The following KCNH7 variants were observed in gnomAD, a reference collection of about 807,000 sequenced individuals.
KCNH7 encodes voltage-gated inwardly rectifying potassium channel KCNH7.
A neutral mutation model predicts 120.8 loss-of-function variants in KCNH7; 49 were observed. That is an observed-to-expected ratio of 0.41 (90% CI 0.32 to 0.51). The LOEUF (loss-of-function observed/expected upper bound fraction) is 0.51. KCNH7 is among the 20% of genes least tolerant of loss of function. KCNH7 has a pLI of 0.38. For synonymous variants in KCNH7, 547 were observed against 516.1 expected (o/e 1.06, Z -0.81); for missense variants, 1,097 against 1,446.6 (o/e 0.76, Z 3.92).
At chr2:162,820,095 A>T (rs886721684) in intron 2 of KCNH7, among the ~76,000 whole-genome samples, 1 of 131,466 alleles carries the variant, frequency 7.6e-6, no homozygotes, top group African/African-American at 3.0e-5. Flanking sequence ...GCTGGAGTGC[A>T]GTGGCGCTAT....
chr2:162,622,445 G>A (rs1683397161), intron 2 of KCNH7, among the ~76,000 whole-genome samples: 1 of 152,140 alleles, frequency 6.6e-6, no homozygotes, highest in South Asian at 2.1e-4. Context: ...TCACTAAATA[G>A]GTCCTTCAAG....
intron 2 of KCNH7, among the ~76,000 whole-genome samples, chr2:162,835,184 C>A (rs1685614981): frequency 6.6e-6 from 1 of 151,998 alleles, no homozygotes; most frequent in African/African-American, 2.4e-5. Context: ...AAAACAATTT[C>A]TATCTGTTTG....
At chr2:162,470,303 G>A (rs1021586882) in intron 6 of KCNH7, among the ~76,000 whole-genome samples, 14 of 151,572 alleles carry the variant, frequency 9.2e-5, no homozygotes, top group African/African-American at 3.2e-4. Flanking sequence ...GATGTGGGGA[G>A]CGCCTCTGCC....
chr2:162,669,970 C>T (rs1018115480), intron 2 of KCNH7, among the ~76,000 whole-genome samples: 7 of 151,694 alleles, frequency 4.6e-5, no homozygotes, highest in East Asian at 2.0e-4. Context: ...TGTGGTGGAG[C>T]GTGCCTGTAA....
intron 7 of KCNH7, among the ~76,000 whole-genome samples, chr2:162,445,619 A>C (rs186939783): frequency 1.6e-3 from 239 of 152,316 alleles, no homozygotes; most frequent in African/African-American, 5.4e-3. Flanking sequence ...CCCTCTTCAC[A>C]TAATTTGAAC....
At chr2:162,391,814 G>T (rs1159309059) in intron 12 of KCNH7, among the ~76,000 whole-genome samples, 2 of 151,982 alleles carry the variant, frequency 1.3e-5, no homozygotes, top group Non-Finnish European at 2.9e-5. Context: ...TTAACCTGTT[G>T]TTCATTTCCA....
intron 2 of KCNH7, among the ~76,000 whole-genome samples, chr2:162,663,180 A>G (rs1206707297): frequency 6.6e-6 from 1 of 152,208 alleles, no homozygotes; most frequent in Non-Finnish European, 1.5e-5. Flanking sequence ...GTGAAGTGAC[A>G]ATATGATTGC....
intron 2 of KCNH7, among the ~76,000 whole-genome samples, chr2:162,624,546 A>C (rs1683476755): frequency 6.6e-6 from 1 of 152,168 alleles, no homozygotes; most frequent in African/African-American, 2.4e-5. Context: ...ATTAACCACC[A>C]GACAATGCCC....
intron 2 of KCNH7, among the ~76,000 whole-genome samples, chr2:162,793,898 T>C (rs1684043951): frequency 6.6e-6 from 1 of 152,100 alleles, no homozygotes; most frequent in South Asian, 2.1e-4. Flanking sequence ...CAGTGTTGTG[T>C]TGTGTACTTG....
intron 6 of KCNH7, among the ~76,000 whole-genome samples, chr2:162,459,760 T>G (rs1689086408): frequency 6.6e-6 from 1 of 151,950 alleles, no homozygotes; most frequent in Admixed American, 6.6e-5. Flanking sequence ...ACCCATTGGT[T>G]TGGTGGCCTT....
At chr2:162,470,275 C>T (rs10930052) in intron 6 of KCNH7, among the ~76,000 whole-genome samples, 11,006 of 151,144 alleles carry the variant, frequency 0.073, 1,273 homozygotes, top group African/African-American at 0.25. Context: ...CGTCTCTGCC[C>T]GCCCGCCCAT....
chr2:162,630,984 C>T (rs1368995983), intron 2 of KCNH7, among the ~76,000 whole-genome samples: 1 of 151,968 alleles, frequency 6.6e-6, no homozygotes, highest in Non-Finnish European at 1.5e-5. Context: ...CTGTCACAGG[C>T]CCTAGAACCA....
Position 162,511,919 on chromosome 2 carries a change from A to G in KCNH7, c.913+735T>C, listed in dbSNP as rs528779879. Among the ~76,000 whole-genome samples, 3 of 151,812 alleles carry G rather than the reference A, an allele frequency of 2.0e-5. No homozygotes were observed. In the South Asian group the frequency reaches 6.2e-4, roughly 31 times the overall value. ...GCCTATGTTGAAAGACCAAATCCCA[A>G]TGGTTTTCAATTTGATGATAATAAT... On this transcript the variant is annotated intron_variant, in intron 5 of 15. Coordinates refer to ENST00000332142, the MANE Select transcript of KCNH7 (RefSeq NM_033272.4).
intron 1 of KCNH7, among the ~76,000 whole-genome samples, chr2:162,837,553 G>T (rs1006007363): frequency 1.3e-5 from 2 of 152,096 alleles, no homozygotes; most frequent in African/African-American, 4.8e-5. Context: ...TAGTTTGTAC[G>T]CAAGGTACCA....
chr2:162,693,696 G>C (rs1440648037), intron 2 of KCNH7, among the ~76,000 whole-genome samples: 1 of 152,170 alleles, frequency 6.6e-6, no homozygotes, highest in Non-Finnish European at 1.5e-5. Flanking sequence ...CAAGAGGCAG[G>C]AGCTCGTGAA....
At chr2:162,583,372 TCA>T in intron 2 of KCNH7, among the ~76,000 whole-genome samples, 1 of 152,196 alleles carries the variant, frequency 6.6e-6, no homozygotes, top group South Asian at 2.1e-4. Flanking sequence ...CAGCAGGATA[TCA>T]CAGTCATCTT....
chr2:162,468,928 G>A (rs1269626789), intron 6 of KCNH7, among the ~76,000 whole-genome samples: 1 of 151,284 alleles, frequency 6.6e-6, no homozygotes, highest in Non-Finnish European at 1.5e-5. Context: ...ATAGTTCACT[G>A]TAACCTCGAA....
intron 2 of KCNH7, among the ~76,000 whole-genome samples, chr2:162,726,097 T>C (rs991337634): frequency 7.9e-5 from 12 of 152,318 alleles, no homozygotes; most frequent in African/African-American, 2.9e-4. Context: ...ACATACCTTA[T>C]CTCTTTTGAT....
At chr2:162,674,927 T>A (rs1685483106) in intron 2 of KCNH7, among the ~76,000 whole-genome samples, 1 of 151,578 alleles carries the variant, frequency 6.6e-6, no homozygotes, top group African/African-American at 2.4e-5. Context: ...TTCAAAAGCA[T>A]TAATCATGAA....
Sources: allele counts gnomAD v4.1 joint callset (sites outside exome capture counted in the v4.1 genomes callset), GRCh38; gene constraint gnomAD v4.1.1; transcripts MANE v1.5; gene names NCBI Gene and HGNC (gene_info 2026-07-23, HGNC 2026-07-21).